PCDH15: variants seen among roughly 807,000 people sequenced by gnomAD.
The protein encoded by PCDH15 is protocadherin-15.
In PCDH15, 129 loss-of-function variants were observed where a neutral mutation model predicts 178.5. The ratio of observed to expected loss-of-function variants is 0.72; its 90% CI spans 0.63 to 0.84. The LOEUF is 0.84. Ranked by LOEUF, PCDH15 falls within the 40% of genes least tolerant of loss-of-function variation. The probability of loss-of-function intolerance (pLI) is 0.00; values close to 1 mark genes in which losing one functional copy is unlikely to be tolerated. For missense variants in PCDH15, 2,230 were observed against 2,099.9 expected, an observed-to-expected ratio of 1.06 and a Z score of -1.21; for synonymous variants, 800 against 732.0, an observed-to-expected ratio of 1.09 and a Z score of -1.50.
chr10:54,798,033 G>T (rs578244972), intron 1 of PCDH15, among the ~76,000 whole-genome samples: 1 of 151,942 alleles, frequency 6.6e-6, no homozygotes, highest in Non-Finnish European at 1.5e-5. Context: ...GAATTTCTGG[G>T]TGTATTCTCG....
At chr10:53,940,781 G>A in intron 24 of PCDH15, 85 bp downstream of exon 24, 1 of 953,204 alleles carries the variant, frequency 1.0e-6, no homozygotes, top group Non-Finnish European at 1.7e-6. Context: ...CAATAGAATA[G>A]ATAATAATTT....
At chr10:54,721,021 A>C (rs1941514279) in intron 1 of PCDH15, among the ~76,000 whole-genome samples, 1 of 152,052 alleles carries the variant, frequency 6.6e-6, no homozygotes, top group Admixed American at 6.6e-5. Flanking sequence ...TTTTAACAAT[A>C]AATCATATCA....
At chr10:54,497,601 C>T (rs943124865) in intron 3 of PCDH15, among the ~76,000 whole-genome samples, 1 of 152,014 alleles carries the variant, frequency 6.6e-6, no homozygotes, top group African/African-American at 2.4e-5. Context: ...CAGAACCAAA[C>T]TGAACCTCTG....
At chr10:54,539,933 A>T (rs890121022) in intron 2 of PCDH15, among the ~76,000 whole-genome samples, 5 of 150,334 alleles carry the variant, frequency 3.3e-5, no homozygotes, top group Admixed American at 2.0e-4. Flanking sequence ...CAGAAATTTT[A>T]AAAAATTCTT....
At chr10:54,498,333 C>T (rs2080326557) in intron 3 of PCDH15, among the ~76,000 whole-genome samples, 1 of 152,056 alleles carries the variant, frequency 6.6e-6, no homozygotes. Flanking sequence ...GAAAAGAATA[C>T]CTGCTAATAC....
Position 53,903,102 on chromosome 10 carries a change from A to T in PCDH15, c.3501+141T>A. 5.7e-6 allele frequency: 5 copies of T among 872,512 alleles called. No homozygotes were observed. In the South Asian group the frequency reaches 8.6e-5, roughly 15 times the overall value. The allele number at this position is 872,512 out of a possible 1,614,324, so 54.0% of individuals were successfully genotyped here. A position where few individuals can be genotyped will look rare whatever the true frequency, so the allele number is the denominator to read the frequency against. Reference sequence around the variant, plus strand: ...GATATAATCTGTATTGAGTTTAGATAACTAAACTAATATAGCTCCAAGTTT... The same window carrying T: ...GATATAATCTGTATTGAGTTTAGATTACTAAACTAATATAGCTCCAAGTTT... On this transcript the variant is annotated intron_variant, in intron 26 of 37. Coordinates refer to ENST00000644397, the MANE Select transcript of PCDH15 (RefSeq NM_001384140.1).
intron 2 of PCDH15, among the ~76,000 whole-genome samples, chr10:54,987,043 G>A (rs1016347393): frequency 3.9e-5 from 6 of 151,980 alleles, no homozygotes; most frequent in Admixed American, 2.6e-4. Context: ...AGGCCCCAAT[G>A]TGTGATGTTC....
intron 2 of PCDH15, among the ~76,000 whole-genome samples, chr10:55,395,900 A>T (rs2132019188): frequency 6.6e-6 from 1 of 152,294 alleles, no homozygotes; most frequent in South Asian, 2.1e-4. Flanking sequence ...GCATCCCAGC[A>T]TATAAAAGAT....
Position 54,079,318 on chromosome 10 carries a change from G to C in PCDH15, c.2091+13C>G. ...TACTATTTTTAAAACCCCTTCACAG[G>C]GAGCATACTCACCCCATCTGGCCTG... On this transcript the variant is annotated intron_variant, in intron 17 of 37. Transcript: ENST00000644397. 1 of 1,611,958 alleles carries C rather than the reference G, an allele frequency of 6.2e-7. No homozygotes were observed. Among genetic ancestry groups the C allele is most frequent in the Non-Finnish European group, 8.5e-7 (1 of 1,178,138 alleles).
upstream of PCDH15, among the ~76,000 whole-genome samples, chr10:55,322,132 T>C (rs890409699): frequency 1.3e-5 from 2 of 152,186 alleles, no homozygotes; most frequent in East Asian, 3.9e-4. Context: ...CCCCACACTG[T>C]TCTTGGGGTA....
intron 25 of PCDH15, among the ~76,000 whole-genome samples, chr10:53,936,191 A>G (rs562662292): frequency 2.0e-5 from 3 of 152,284 alleles, no homozygotes; most frequent in Admixed American, 6.5e-5. Flanking sequence ...CCTACAGATT[A>G]AAAGAGACTT....
intron 2 of PCDH15, among the ~76,000 whole-genome samples, chr10:55,432,109 ACACAC>A (rs1006519682): frequency 4.3e-5 from 6 of 140,672 alleles, no homozygotes; most frequent in African/African-American, 1.7e-4. Flanking sequence ...ACACACACAC[ACACAC>A]CACAAGTCTC....
chr10:55,440,883 G>C lies in PCDH15; in HGVS notation c.-156+186742C>G, dbSNP rs555304116. On this transcript the variant is annotated intron_variant, in intron 2 of 5. Coordinates refer to the PCDH15 transcript ENST00000613346. ...CACAAGGTTCCAGACAAGAGAGAATGAGGACCAAGCAAAAGGGGTTTCCCC... is the reference window on the plus strand; with the variant it reads ...CACAAGGTTCCAGACAAGAGAGAATCAGGACCAAGCAAAAGGGGTTTCCCC... Among the ~76,000 whole-genome samples the C allele has an allele frequency of 7.2e-5, 11 of 152,276 alleles. No homozygotes were observed. The South Asian group carries it at 2.3e-3, about 32-fold the overall frequency.
intron 3 of PCDH15, among the ~76,000 whole-genome samples, chr10:54,426,392 T>C (rs1322704178): frequency 1.3e-5 from 2 of 152,140 alleles, no homozygotes; most frequent in African/African-American, 4.8e-5. Context: ...ATCACTTGCA[T>C]GCACAGTTCA....
intron 3 of PCDH15, among the ~76,000 whole-genome samples, chr10:54,461,369 T>C (rs1396254274): frequency 6.6e-6 from 1 of 152,144 alleles, no homozygotes; most frequent in Admixed American, 6.6e-5. Flanking sequence ...GTATGTAACA[T>C]TAGCACACAA....
At chr10:55,532,572 T>C (rs1421407880) in intron 2 of PCDH15, among the ~76,000 whole-genome samples, 2 of 152,068 alleles carry the variant, frequency 1.3e-5, no homozygotes, top group Non-Finnish European at 2.9e-5. Context: ...TTTTAAGACT[T>C]CCTAAAGCCA....
In PCDH15 at chr10:53,955,205, C is replaced by A. The variant is rs115207509; in HGVS notation, c.3122+4527G>T. ...AGATGTGGACTTCTGTCTGGTTTCC[C>A]CTTTCTGCTGACTAAAATGGTAATA... On this transcript the variant is annotated intron_variant, in intron 23 of 37. Coordinates refer to ENST00000644397, the MANE Select transcript of PCDH15 (RefSeq NM_001384140.1). Among the ~76,000 whole-genome samples the A allele has an allele frequency of 2.1e-3, 320 of 152,238 alleles. 2 individuals are homozygous for A. The highest frequency in any genetic ancestry group is 7.2e-3 in the African/African-American group (301 of 41,540).
At chr10:54,917,990 C>T (rs1445716791) in intron 2 of PCDH15, among the ~76,000 whole-genome samples, 2 of 147,844 alleles carry the variant, frequency 1.4e-5, no homozygotes, top group East Asian at 2.0e-4. Context: ...CTCTCACTTA[C>T]GATAGTGATT....
chr10:54,853,406 T>TAC (rs1352850495), intron 3 of PCDH15, among the ~76,000 whole-genome samples: 2 of 143,774 alleles, frequency 1.4e-5, no homozygotes, highest in East Asian at 2.0e-4. Context: ...TACACACACA[T>TAC]ATATATACAC....
Sources: allele counts gnomAD v4.1 joint callset (sites outside exome capture counted in the v4.1 genomes callset), GRCh38; gene constraint gnomAD v4.1.1; transcripts MANE v1.5; gene names NCBI Gene and HGNC (gene_info 2026-07-23, HGNC 2026-07-21).